Variants in HAT1 observed in about 807,000 individuals in gnomAD.
HAT1 encodes the protein histone acetyltransferase type B catalytic subunit.
Under a neutral mutation model 56.6 loss-of-function variants are expected in HAT1, and 20 were observed. The ratio of observed to expected loss-of-function variants is 0.35; its 90% CI spans 0.25 to 0.51. The LOEUF is 0.51. Among genes scored for constraint, HAT1 ranks in the 20% least tolerant of loss-of-function variants. The probability of loss-of-function intolerance (pLI) is 0.95; values close to 1 mark genes in which losing one functional copy is unlikely to be tolerated. For synonymous variants in HAT1, 146 were observed against 165.5 expected, an observed-to-expected ratio of 0.88 and a Z score of 0.91; for missense variants, 408 against 504.3, an observed-to-expected ratio of 0.81 and a Z score of 1.83.
At chr2:171,954,507 A>G (rs183978774) in intron 4 of HAT1, among the ~76,000 whole-genome samples, 149,537 of 152,146 alleles carry the variant, frequency 0.98, 73,550 homozygotes, top group Middle Eastern at 1. Flanking sequence ...CCAACATGGC[A>G]AAACCCCGTC....
intron 1 of HAT1, 83 bp from the exon 2 acceptor site, chr2:171,925,453 CT>C (rs1686565272): frequency 4.3e-6 from 3 of 701,022 alleles, no homozygotes; most frequent in Admixed American, 2.1e-5. Flanking sequence ...AATCATACCC[CT>C]ATTCCACTTA....
At chr2:171,935,151 G>A (rs924372970) in intron 2 of HAT1, among the ~76,000 whole-genome samples, 2 of 152,056 alleles carry the variant, frequency 1.3e-5, no homozygotes, top group Non-Finnish European at 2.9e-5. Flanking sequence ...ATGGACCATG[G>A]AATTCTGCAC....
At chr2:171,946,505 CAAAGT>C (rs2105319325) in intron 2 of HAT1, among the ~76,000 whole-genome samples, 198 bp from the exon 3 acceptor site, 1 of 152,260 alleles carries the variant, frequency 6.6e-6, no homozygotes, top group Non-Finnish European at 1.5e-5. Flanking sequence ...CTGAAGCACT[CAAAGT>C]AATATTTTAA....
At chr2:171,938,973 T>C (rs1440811731) in intron 2 of HAT1, among the ~76,000 whole-genome samples, 2 of 152,178 alleles carry the variant, frequency 1.3e-5, no homozygotes, top group Admixed American at 1.3e-4. Context: ...ACCCCTGGAC[T>C]CAAGCAATTC....
At chr2:171,980,648 G>A (rs1183895398) in intron 10 of HAT1, 1 of 152,184 alleles carries the variant, frequency 6.6e-6, no homozygotes, top group Non-Finnish European at 1.5e-5. Flanking sequence ...CAGAGCTCAG[G>A]AGTTCAAGAC....
intron 9 of HAT1, among the ~76,000 whole-genome samples, chr2:171,978,100 C>T (rs1345321291): frequency 6.7e-6 from 1 of 149,952 alleles, no homozygotes; most frequent in African/African-American, 2.5e-5. Context: ...GCTCTGTCAC[C>T]TGAGGTGGAG....
intron 9 of HAT1, among the ~76,000 whole-genome samples, chr2:171,977,557 A>ATATATTTT (rs1271452199): frequency 4.3e-4 from 7 of 16,334 alleles, no homozygotes; most frequent in Admixed American, 1.1e-3. Context: ...ATATATATAT[A>ATATATTTT]TTTTTTTTTT....
rs991321164 is a variant in HAT1, at chr2:171,976,273, G to C, written c.940G>C (p.Val314Leu). Residue 314 changes from valine to leucine, a missense_variant, in exon 9 of 11, where the codon GTG becomes CTG. Physicochemically the swap from Val to Leu is conservative, Grantham distance 32. Transcript: ENST00000264108. The stretch of plus-strand genomic sequence containing the variant: ...AATGCAAGGATTCAATGAAGATATG[G>C]TGATAGAGGCACAACAGAAGTTCAA... ...KLMQGFNEDM[V>L]IEAQQKFKIN... The C allele has an allele frequency of 6.3e-7, 1 of 1,594,112 alleles. No homozygotes were observed. Among genetic ancestry groups the C allele is most frequent in the Non-Finnish European group, 8.6e-7 (1 of 1,169,060 alleles).
chr2:171,966,393 T>G lies in HAT1; in HGVS notation c.612-16T>G, dbSNP rs1463193325. 3.7e-6 allele frequency: 5 copies of G among 1,351,818 alleles called. No homozygotes were observed. The highest frequency in any genetic ancestry group is 4.3e-6 in the Non-Finnish European group (4 of 940,746). 83.7% of individuals were successfully genotyped at this position (1,351,818 alleles called of 1,614,324 possible). ...CGACTGTAATTGACCTGCTTGGCTTTCTGTTTTATCTGCAGATTTGAGAAG... is the reference window on the plus strand; with the variant it reads ...CGACTGTAATTGACCTGCTTGGCTTGCTGTTTTATCTGCAGATTTGAGAAG... On this transcript the variant is annotated splice_polypyrimidine_tract_variant and intron_variant, in intron 6 of 10. Coordinates refer to ENST00000264108, the MANE Select transcript of HAT1 (RefSeq NM_003642.4).
chr2:171,978,215 C>A lies in HAT1; in HGVS notation c.976-1032C>A, dbSNP rs572574477. Among the ~76,000 whole-genome samples the A allele has an allele frequency of 3.3e-5, 5 of 152,124 alleles. No individual in the cohort carries two copies. The South Asian group carries it at 1.0e-3, about 32-fold the overall frequency. ...AAGTAGCTGGGACTGCAGGGGTACG[C>A]CACCACACCTGGCTAATTTTTGTAG... On this transcript the variant is annotated intron_variant, in intron 9 of 10. Transcript: ENST00000264108.
At chr2:171,976,406 T>C (rs1434714085) in intron 9 of HAT1, 98 bp downstream of exon 9, 1 of 591,586 alleles carries the variant, frequency 1.7e-6, no homozygotes, top group East Asian at 3.5e-5. Flanking sequence ...TAAGAATACA[T>C]GTGTGGGAAC....
chr2:171,961,126 A>AG (rs1037308272), intron 4 of HAT1, among the ~76,000 whole-genome samples: 4 of 152,104 alleles, frequency 2.6e-5, no homozygotes, highest in Non-Finnish European at 5.9e-5. Flanking sequence ...TGGGTGACAG[A>AG]GCAAGACTCT....
At chr2:171,977,557 A>ATATATATATATATATAATT (rs1271452199) in intron 9 of HAT1, among the ~76,000 whole-genome samples, 1 of 16,358 alleles carries the variant, frequency 6.1e-5, no homozygotes, top group African/African-American at 2.2e-4. Context: ...ATATATATAT[A>ATATATATATATATATAATT]TTTTTTTTTT....
chr2:171,974,947 A>C (rs962085832), intron 8 of HAT1, among the ~76,000 whole-genome samples: 2 of 152,036 alleles, frequency 1.3e-5, no homozygotes, highest in Non-Finnish European at 2.9e-5. Context: ...AATTCATTTT[A>C]TATATTGCCA....
In HAT1 at chr2:171,965,055, G is replaced by T. The variant is rs1687651684; in HGVS notation, c.310-283G>T. ...CTGTCATGAAGGGGTATAGTCAGCT[G>T]TTTCTGCATAATGGAAATGTCCATA... On this transcript the variant is annotated intron_variant, in intron 4 of 10. Transcript: ENST00000264108. 3 of 296,032 alleles carry T rather than the reference G, an allele frequency of 1.0e-5. No homozygotes were observed. The South Asian group carries it at 2.1e-4, about 21-fold the overall frequency. 18.3% of individuals were successfully genotyped at this position (296,032 alleles called of 1,614,324 possible). A position where few individuals can be genotyped will look rare whatever the true frequency, so the allele number is the denominator to read the frequency against.
chr2:171,927,603 T>A (rs1686629889), intron 2 of HAT1, among the ~76,000 whole-genome samples: 1 of 152,184 alleles, frequency 6.6e-6, no homozygotes, highest in South Asian at 2.1e-4. Flanking sequence ...TTTATTTTAT[T>A]TTAGAGACAG....
At chr2:171,977,558 T>TATATATATATATATATATATA (rs1491530330) in intron 9 of HAT1, among the ~76,000 whole-genome samples, 3 of 9,482 alleles carry the variant, frequency 3.2e-4, no homozygotes, top group Admixed American at 2.3e-3. Flanking sequence ...TATATATATA[T>TATATATATATATATATATATA]TTTTTTTTTT....
intron 2 of HAT1, among the ~76,000 whole-genome samples, chr2:171,931,958 G>A (rs1042366121): frequency 2.0e-5 from 3 of 152,186 alleles, no homozygotes; most frequent in African/African-American, 7.2e-5. Context: ...TTAGCTGTAG[G>A]TTTTTCATAT....
intron 2 of HAT1, among the ~76,000 whole-genome samples, chr2:171,944,418 G>A (rs1487960973): frequency 6.6e-6 from 1 of 152,164 alleles, no homozygotes; most frequent in Non-Finnish European, 1.5e-5. Context: ...AGCTTGATTA[G>A]ATTTAAGATA....
Sources: gnomAD v4.1 joint callset for allele counts (sites outside exome capture counted in the v4.1 genomes callset) on GRCh38, gnomAD v4.1.1 for gene constraint, MANE v1.5 for transcripts, NCBI Gene and HGNC (gene_info 2026-07-23, HGNC 2026-07-21) for gene names.